The following NEDD4L variants were observed in gnomAD, a reference collection of about 807,000 sequenced individuals.
NEDD4L encodes the protein NEDD4 like E3 ubiquitin protein ligase, also known as E3 ubiquitin-protein ligase NEDD4-like.
NEDD4L carries 54 observed loss-of-function variants against 148.9 expected under a neutral mutation model. The observed-to-expected ratio is 0.36, with a 90% CI of 0.29 to 0.45. NEDD4L has a LOEUF of 0.45. Ranked by LOEUF, NEDD4L falls within the 20% of genes least tolerant of loss-of-function variation. The pLI, the probability that NEDD4L is intolerant of heterozygous loss-of-function variation, is 1.00. For synonymous variants in NEDD4L, 433 were observed against 440.7 expected (o/e 0.98, Z 0.22); for missense variants, 856 against 1,233.8 (o/e 0.69, Z 4.59).
chr18:58,338,895 G>A lies in NEDD4L; in HGVS notation c.1126-2143G>A, dbSNP rs112283098. Among the ~76,000 whole-genome samples the A allele has an allele frequency of 2.6e-3, 389 of 152,244 alleles. 1 individual carries two copies. Among genetic ancestry groups the A allele is most frequent in the Non-Finnish European group, 4.6e-3 (310 of 68,008 alleles). The stretch of plus-strand genomic sequence containing the variant: ...TGTGCCACTGTACTCCAGCCTGGGC[G>A]ACAGAGCAATACTCTGTCTCAAAAA... On this transcript the variant is annotated intron_variant, in intron 13 of 30. Coordinates refer to ENST00000400345, the MANE Select transcript of NEDD4L (RefSeq NM_001144967.3).
At chr18:58,117,968 C>G (rs1198627049) in intron 1 of NEDD4L, among the ~76,000 whole-genome samples, 2 of 152,216 alleles carry the variant, frequency 1.3e-5, no homozygotes, top group Non-Finnish European at 2.9e-5. Flanking sequence ...TTTAGAACAG[C>G]TGCTCCAGTA....
chr18:58,240,815 T>TATGTATGTATG (rs147101124), intron 2 of NEDD4L, among the ~76,000 whole-genome samples: 127 of 150,908 alleles, frequency 8.4e-4, no homozygotes, highest in African/African-American at 3.0e-3. Flanking sequence ...CAGCTAACAT[T>TATGTATGTATG]TATGTATGTA....
At chr18:58,140,196 C>G (rs1023066481) in intron 1 of NEDD4L, among the ~76,000 whole-genome samples, 3 of 152,164 alleles carry the variant, frequency 2.0e-5, no homozygotes, top group African/African-American at 4.8e-5. Flanking sequence ...AGTCTTGCAG[C>G]TGCTGGGCTG....
At chr18:58,227,671 G>A (rs1275738708) in intron 2 of NEDD4L, among the ~76,000 whole-genome samples, 1 of 152,158 alleles carries the variant, frequency 6.6e-6, no homozygotes, top group Non-Finnish European at 1.5e-5. Context: ...CCCAGTGAGT[G>A]TTTTACCCAC....
At chr18:58,362,075 G>A (rs1462317139) in intron 19 of NEDD4L, among the ~76,000 whole-genome samples, 1 of 152,138 alleles carries the variant, frequency 6.6e-6, no homozygotes, top group East Asian at 1.9e-4. Flanking sequence ...CAGCTTTCAC[G>A]CATCATTCCC....
chr18:58,156,790 C>A (rs1028742346), intron 1 of NEDD4L, among the ~76,000 whole-genome samples: 6 of 152,164 alleles, frequency 3.9e-5, no homozygotes, highest in African/African-American at 1.4e-4. Context: ...GAGCTGCCCT[C>A]TGCAACCTCA....
chr18:58,224,542 A>G (rs1270343337), intron 2 of NEDD4L, among the ~76,000 whole-genome samples: 1 of 152,230 alleles, frequency 6.6e-6, no homozygotes, highest in Non-Finnish European at 1.5e-5. Context: ...TTTCAGGGCC[A>G]TAACTGTACC....
In NEDD4L at chr18:58,152,266, A is replaced by T. The variant is rs571460852; in HGVS notation, c.49-13522A>T. On this transcript the variant is annotated intron_variant, in intron 1 of 30. Coordinates refer to ENST00000400345, the MANE Select transcript of NEDD4L (RefSeq NM_001144967.3). ...ACAGCAAGGCTTGGGAACAAGAGGCATGAGAGCAACACTCAGGACCTGTTC... is the reference window on the plus strand; with the variant it reads ...ACAGCAAGGCTTGGGAACAAGAGGCTTGAGAGCAACACTCAGGACCTGTTC... 4.6e-5 allele frequency among the ~76,000 whole-genome samples: 7 copies of T among 152,302 alleles called. No individual in the cohort carries two copies. The South Asian group carries it at 1.2e-3, about 27-fold the overall frequency.
intron 2 of NEDD4L, among the ~76,000 whole-genome samples, chr18:58,178,562 T>A (rs186804633): frequency 1.7e-3 from 252 of 152,368 alleles, no homozygotes; most frequent in African/African-American, 6.0e-3. Context: ...TACGGAATAT[T>A]CGTTGGACTT....
intron 23 of NEDD4L, chr18:58,372,525 C>G (rs1402692540): frequency 6.6e-6 from 1 of 152,080 alleles, no homozygotes; most frequent in Non-Finnish European, 1.5e-5. Context: ...CCAGGCTGGT[C>G]TCTAACTCCT....
At chr18:58,326,673 G>A (rs187805428) in intron 9 of NEDD4L, among the ~76,000 whole-genome samples, 3 of 152,236 alleles carry the variant, frequency 2.0e-5, no homozygotes, top group East Asian at 1.9e-4. Context: ...ATCCTCATGC[G>A]ACCTCTGCAG....
At chr18:58,123,329 A>G (rs1234622258) in intron 1 of NEDD4L, among the ~76,000 whole-genome samples, 2 of 152,100 alleles carry the variant, frequency 1.3e-5, no homozygotes, top group African/African-American at 4.8e-5. Flanking sequence ...CCCTGATCTC[A>G]GGCACCCCAC....
At chr18:58,392,665 C>G (rs1050529775) in intron 30 of NEDD4L, among the ~76,000 whole-genome samples, 5 of 152,140 alleles carry the variant, frequency 3.3e-5, no homozygotes, top group African/African-American at 1.2e-4. Context: ...AGTCATTGTC[C>G]GTGGTTCTCT....
intron 1 of NEDD4L, among the ~76,000 whole-genome samples, chr18:58,047,865 C>T (rs562561801): frequency 2.6e-5 from 4 of 152,228 alleles, no homozygotes; most frequent in African/African-American, 7.2e-5. Context: ...TGAATGTTAC[C>T]GCTAACTTTC....
At chr18:58,194,380 C>G (rs930019251) in intron 2 of NEDD4L, among the ~76,000 whole-genome samples, 3 of 152,140 alleles carry the variant, frequency 2.0e-5, no homozygotes, top group African/African-American at 7.2e-5. Context: ...CTTATCTTAT[C>G]GAAGAGTGCT....
At chr18:58,079,976 G>C (rs1056924279) in intron 1 of NEDD4L, among the ~76,000 whole-genome samples, 3 of 152,160 alleles carry the variant, frequency 2.0e-5, no homozygotes, top group African/African-American at 7.2e-5. Context: ...TGCCCAGGCT[G>C]GGGGGCAGTG....
intron 5 of NEDD4L, among the ~76,000 whole-genome samples, chr18:58,266,291 G>A (rs1016691507): frequency 1.1e-4 from 17 of 151,964 alleles, no homozygotes; most frequent in African/African-American, 3.6e-4. Flanking sequence ...GATCTGTGAA[G>A]GATGATACAT....
intron 5 of NEDD4L, among the ~76,000 whole-genome samples, chr18:58,258,440 CAAAGGGAT>C (rs2048891098): frequency 6.6e-6 from 1 of 152,144 alleles, no homozygotes; most frequent in African/African-American, 2.4e-5. Context: ...ATGTGGAAGA[CAAAGGGAT>C]TCATACAATT....
rs796798591 is a variant in NEDD4L, at chr18:58,390,982, CT to C, written c.2752+252del. Among the ~76,000 whole-genome samples the C allele has an allele frequency of 8.9e-3, 1,289 of 144,694 alleles. 22 individuals are homozygous for C. Among genetic ancestry groups the C allele is most frequent in the African/African-American group, 0.029 (1,132 of 39,668 alleles). The allele number at this position is 144,694 out of a possible 152,430, so 94.9% of individuals were successfully genotyped here. ...TTGTGAAGAGGTCCATAAGGCTGCTCTTTTTTTTTTTTCCTAGTTTAGTTTT... is the reference window on the plus strand; with the variant it reads ...TTGTGAAGAGGTCCATAAGGCTGCTCTTTTTTTTTTTCCTAGTTTAGTTTT... On this transcript the variant is annotated intron_variant, in intron 29 of 30. Transcript: ENST00000400345.
Sources: gnomAD v4.1 joint callset for allele counts (sites outside exome capture counted in the v4.1 genomes callset) on GRCh38, gnomAD v4.1.1 for gene constraint, MANE v1.5 for transcripts, NCBI Gene and HGNC (gene_info 2026-07-23, HGNC 2026-07-21) for gene names.